Variants in GOLIM4 observed in about 807,000 individuals in gnomAD.
GOLIM4 encodes golgi integral membrane protein 4.
A neutral mutation model predicts 107.4 loss-of-function variants in GOLIM4; 71 were observed. The observed-to-expected ratio is 0.66, with a 90% CI of 0.55 to 0.81. GOLIM4 has a LOEUF of 0.81. Among genes scored for constraint, GOLIM4 ranks in the 30% least tolerant of loss-of-function variants. The pLI, the probability that GOLIM4 is intolerant of heterozygous loss-of-function variation, is 0.00. For synonymous variants in GOLIM4, 327 were observed against 294.8 expected (o/e 1.11, Z -1.12); for missense variants, 830 against 826.1 (o/e 1.00, Z -0.06).
chr3:168,055,801 C>CAAAA lies in GOLIM4; in HGVS notation c.188-7440_188-7437dup, dbSNP rs35124035. Among the ~76,000 whole-genome samples, 20 of 104,012 alleles carry CAAAA rather than the reference C, an allele frequency of 1.9e-4. 1 individual carries two copies. Among genetic ancestry groups the CAAAA allele is most frequent in the African/African-American group, 6.1e-4 (16 of 26,324 alleles). 68.2% of individuals were successfully genotyped at this position (104,012 alleles called of 152,430 possible). A position where few individuals can be genotyped will look rare whatever the true frequency, so the allele number is the denominator to read the frequency against. On this transcript the variant is annotated intron_variant, in intron 1 of 15. Transcript: ENST00000470487. ...TGGGCGACAGAGCAAGACTCTGTCTCAAAAAAAAAAAAAAAAGAGGTGACT... is the reference window on the plus strand; with the variant it reads ...TGGGCGACAGAGCAAGACTCTGTCTCAAAAAAAAAAAAAAAAAAAAGAGGTGACT...
chr3:168,015,696 T>C (rs1717324059), intron 14 of GOLIM4, among the ~76,000 whole-genome samples: 2 of 135,900 alleles, frequency 1.5e-5, no homozygotes, highest in East Asian at 2.0e-4. Flanking sequence ...AAGAGAGATA[T>C]AGATCAATGG....
chr3:168,019,510 G>A (rs968136059), intron 14 of GOLIM4, among the ~76,000 whole-genome samples: 3 of 151,898 alleles, frequency 2.0e-5, no homozygotes, highest in African/African-American at 7.3e-5. Flanking sequence ...GTTTACAGTT[G>A]GTATATTCTA....
chr3:168,028,027 G>C (rs1469602661), intron 11 of GOLIM4, among the ~76,000 whole-genome samples, 190 bp from the exon 12 acceptor site: 1 of 152,186 alleles, frequency 6.6e-6, no homozygotes, highest in Non-Finnish European at 1.5e-5. Flanking sequence ...TGTGTCTAGA[G>C]AGATGATATG....
rs923975751 is a variant in GOLIM4 at position 168,010,833 on chromosome 3, A to T, written c.1861-10T>A. 1.3e-6 allele frequency: 2 copies of T among 1,580,000 alleles called. No homozygotes were observed. Among genetic ancestry groups the T allele is most frequent in the Admixed American group, 1.7e-5 (1 of 59,986 alleles). ...TCAAATCTTCCTGAACCTAAAACAA[A>T]CCACAGATATCATTTAAACACTTTT... On this transcript the variant is annotated splice_polypyrimidine_tract_variant and intron_variant, in intron 14 of 15. Transcript: ENST00000470487.
intron 1 of GOLIM4, among the ~76,000 whole-genome samples, chr3:168,094,117 G>C (rs1024509454): frequency 6.6e-6 from 1 of 151,992 alleles, no homozygotes; most frequent in African/African-American, 2.4e-5. Flanking sequence ...GTAAAAGCTT[G>C]CAAAAAAAAT....
In GOLIM4 at chr3:168,010,043, T is replaced by C; in HGVS notation, c.*226A>G. 2.7e-6 allele frequency: 1 copy of C among 376,750 alleles called. No individual in the cohort carries two copies. The highest frequency in any genetic ancestry group is 4.6e-6 in the Non-Finnish European group (1 of 215,538). 23.3% of individuals were successfully genotyped at this position (376,750 alleles called of 1,614,324 possible). On this transcript the variant is annotated 3_prime_UTR_variant, in exon 16 of 16. Transcript: ENST00000470487. ...ACGTGGGGGCTCAGGTTTACTTTAT[T>C]GTTTTTCTTCTTTTTCATGTTTAGC... is the stretch of plus-strand genomic sequence containing the variant.
In GOLIM4 at chr3:168,010,593, T is replaced by C. The variant is rs563146781; in HGVS notation, c.1941+150A>G. On this transcript the variant is annotated intron_variant, in intron 15 of 15. Coordinates refer to ENST00000470487, the MANE Select transcript of GOLIM4 (RefSeq NM_014498.5). ...CTACTTTTCATGTTGTCACAACTTTTCCTAATTTCAGGTGGGCCTGTTAAA... is the reference window on the plus strand; with the variant it reads ...CTACTTTTCATGTTGTCACAACTTTCCCTAATTTCAGGTGGGCCTGTTAAA... 11 of 771,240 alleles carry C rather than the reference T, an allele frequency of 1.4e-5. No homozygotes were observed. The South Asian group carries it at 1.9e-4, about 14-fold the overall frequency. 47.8% of individuals were successfully genotyped at this position (771,240 alleles called of 1,614,324 possible).
intron 1 of GOLIM4, 99 bp downstream of exon 1, chr3:168,095,000 C>G (rs1184648265): frequency 1.1e-6 from 1 of 878,208 alleles, no homozygotes. Context: ...TCAGAGGTGG[C>G]AACCACAGTG....
intron 1 of GOLIM4, among the ~76,000 whole-genome samples, chr3:168,060,661 C>T (rs1032993471): frequency 2.0e-5 from 3 of 152,060 alleles, no homozygotes; most frequent in Non-Finnish European, 1.5e-5. Flanking sequence ...AAAAATAATC[C>T]GCGGTATTCC....
At chr3:168,013,528 C>G (rs1460532002) in intron 14 of GOLIM4, among the ~76,000 whole-genome samples, 8 of 138,278 alleles carry the variant, frequency 5.8e-5, no homozygotes, top group African/African-American at 2.1e-4. Flanking sequence ...CTCAGCTCTG[C>G]ACCAAGCGAA....
chr3:168,065,415 T>C (rs1720498452), intron 1 of GOLIM4, among the ~76,000 whole-genome samples: 1 of 152,240 alleles, frequency 6.6e-6, no homozygotes, highest in Admixed American at 6.5e-5. Flanking sequence ...CCTATGATTT[T>C]CAATAACTTG....
chr3:168,062,500 A>C (rs1488294923), intron 1 of GOLIM4, among the ~76,000 whole-genome samples: 1 of 152,128 alleles, frequency 6.6e-6, no homozygotes, highest in African/African-American at 2.4e-5. Context: ...CTATTTTCAA[A>C]GCTGCCATAC....
At chr3:168,047,027 G>A (rs1438136029) in intron 2 of GOLIM4, 28 bp from the exon 3 acceptor site, 2 of 1,057,148 alleles carry the variant, frequency 1.9e-6, no homozygotes, top group East Asian at 2.7e-5. Context: ...GAAAAAAACA[G>A]TGATAATTCA....
At chr3:168,087,841 T>C (rs1245863620) in intron 1 of GOLIM4, among the ~76,000 whole-genome samples, 2 of 152,224 alleles carry the variant, frequency 1.3e-5, no homozygotes, top group African/African-American at 2.4e-5. Flanking sequence ...AATGACATAA[T>C]GCATGTAATA....
intron 1 of GOLIM4, among the ~76,000 whole-genome samples, chr3:168,073,765 A>G (rs1303562646): frequency 1.3e-5 from 2 of 152,214 alleles, no homozygotes; most frequent in Non-Finnish European, 2.9e-5. Flanking sequence ...TATAACTTCT[A>G]TAGATTGTTC....
intron 14 of GOLIM4, among the ~76,000 whole-genome samples, chr3:168,017,080 A>G (rs1371691807): frequency 6.6e-6 from 1 of 152,234 alleles, no homozygotes; most frequent in Admixed American, 6.5e-5. Context: ...CACCTATTAC[A>G]AAAATCAATG....
At chr3:168,048,047 T>C (rs1719411615) in intron 2 of GOLIM4, among the ~76,000 whole-genome samples, 1 of 152,024 alleles carries the variant, frequency 6.6e-6, no homozygotes, top group Non-Finnish European at 1.5e-5. Flanking sequence ...AAATAATAAG[T>C]GTAACCAATA....
At chr3:168,083,190 C>T (rs1157071283) in intron 1 of GOLIM4, among the ~76,000 whole-genome samples, 1 of 152,020 alleles carries the variant, frequency 6.6e-6, no homozygotes, top group African/African-American at 2.4e-5. Flanking sequence ...AAATGACTTT[C>T]AAAGTAGGAG....
At position 168,030,377 on chromosome 3, in the gene GOLIM4, T is replaced by G. The variant is rs935968010; in HGVS notation, c.1177-341A>C. 3.3e-5 allele frequency among the ~76,000 whole-genome samples: 5 copies of G among 152,282 alleles called. No individual in the cohort carries two copies. In the South Asian group the frequency reaches 1.0e-3, roughly 32 times the overall value. ...CTGATATAAACAAGTAGTTGGTAAC[T>G]TTGGTAACTTCACATTAACTGGGCA... On this transcript the variant is annotated intron_variant, in intron 9 of 15. Transcript: ENST00000470487.
Sources: allele counts gnomAD v4.1 joint callset (sites outside exome capture counted in the v4.1 genomes callset), GRCh38; gene constraint gnomAD v4.1.1; transcripts MANE v1.5; gene names NCBI Gene and HGNC (gene_info 2026-07-23, HGNC 2026-07-21).